Variants in LIN52 observed in about 807,000 individuals in gnomAD.
The protein encoded by LIN52 is lin-52 DREAM MuvB core complex component.
Under a neutral mutation model 18.5 loss-of-function variants are expected in LIN52, and 4 were observed. That is an observed-to-expected ratio of 0.22 (90% CI 0.11 to 0.49). The LOEUF is 0.49. Ranked by LOEUF, LIN52 falls within the 20% of genes least tolerant of loss-of-function variation. The pLI is 0.97. For missense variants in LIN52, 102 were observed against 139.5 expected (o/e 0.73, Z 1.35); for synonymous variants, 34 against 45.5 (o/e 0.75, Z 1.02).
intron 5 of LIN52, among the ~76,000 whole-genome samples, chr14:74,168,068 C>T (rs994147238): frequency 6.6e-6 from 1 of 152,246 alleles, no homozygotes; most frequent in Non-Finnish European, 1.5e-5. Context: ...AGTTTCCTAT[C>T]AGTGGTAATG....
Position 74,110,670 on chromosome 14 carries a change from A to C in LIN52, c.283+9432A>C, listed in dbSNP as rs2060920756. Among the ~76,000 whole-genome samples the C allele has an allele frequency of 2.7e-5, 4 of 146,206 alleles. No homozygotes were observed. In the Admixed American group the frequency reaches 2.7e-4, roughly 10 times the overall value. Reference sequence around the variant, plus strand: ...GGGTGACAGAGCGAGACTCCATCTCAAAAAAAAAAGGAGGCCAGGCATGGT... The same window carrying C: ...GGGTGACAGAGCGAGACTCCATCTCCAAAAAAAAAGGAGGCCAGGCATGGT... On this transcript the variant is annotated intron_variant, in intron 5 of 5. Transcript: ENST00000555028.
At chr14:74,106,415 G>A (rs1447956722) in intron 5 of LIN52, among the ~76,000 whole-genome samples, 1 of 151,948 alleles carries the variant, frequency 6.6e-6, no homozygotes, top group African/African-American at 2.4e-5. Flanking sequence ...GACTACAGGT[G>A]CAGTGCCACC....
At chr14:74,096,773 C>T (rs1006081013) in intron 3 of LIN52, among the ~76,000 whole-genome samples, 1 of 151,988 alleles carries the variant, frequency 6.6e-6, no homozygotes, top group Non-Finnish European at 1.5e-5. Context: ...AAAAGAAAAG[C>T]ACATATGAGG....
chr14:74,167,119 T>TTC (rs935883801), intron 5 of LIN52, among the ~76,000 whole-genome samples: 2 of 147,832 alleles, frequency 1.4e-5, no homozygotes, highest in Non-Finnish European at 3.0e-5. Flanking sequence ...CTGCTTTTTT[T>TTC]TTTTTTTTTT....
chr14:74,106,672 C>T (rs1310492935), intron 5 of LIN52, among the ~76,000 whole-genome samples: 1 of 152,156 alleles, frequency 6.6e-6, no homozygotes, highest in Non-Finnish European at 1.5e-5. Context: ...CTCACTGCAA[C>T]CTCCACCTCC....
At chr14:74,087,238 A>G (rs1186396805) in intron 1 of LIN52, among the ~76,000 whole-genome samples, 1 of 151,954 alleles carries the variant, frequency 6.6e-6, no homozygotes. Flanking sequence ...ACACAGTGAA[A>G]CCCTGTCTCT....
At chr14:74,122,495 G>A (rs537766407) in intron 5 of LIN52, among the ~76,000 whole-genome samples, 1 of 152,272 alleles carries the variant, frequency 6.6e-6, no homozygotes, top group Admixed American at 6.5e-5. Flanking sequence ...AATATGTTAG[G>A]ATATTTTAGG....
chr14:74,112,687 A>G (rs1377875065), intron 5 of LIN52, among the ~76,000 whole-genome samples: 1 of 152,242 alleles, frequency 6.6e-6, no homozygotes, highest in African/African-American at 2.4e-5. Flanking sequence ...GCTTTCAAAT[A>G]TTTAGCCATT....
intron 5 of LIN52, among the ~76,000 whole-genome samples, chr14:74,134,589 T>A (rs1800024851): frequency 6.6e-6 from 1 of 152,214 alleles, no homozygotes; most frequent in South Asian, 2.1e-4. Context: ...GACTTCCCTT[T>A]CCTATCACTG....
At chr14:74,101,603 C>T (rs1467266585) in intron 5 of LIN52, among the ~76,000 whole-genome samples, 3 of 151,026 alleles carry the variant, frequency 2.0e-5, no homozygotes, top group African/African-American at 7.3e-5. Flanking sequence ...GGACTACAGG[C>T]GCCCGCCACT....
chr14:74,192,736 G>T, intron 5 of LIN52: 1 of 262,914 alleles, frequency 3.8e-6, no homozygotes. Flanking sequence ...CCAATTTGAT[G>T]GGCAGCCAAT....
At chr14:74,171,865 A>G (rs946604169) in intron 5 of LIN52, among the ~76,000 whole-genome samples, 18 of 150,690 alleles carry the variant, frequency 1.2e-4, no homozygotes, top group African/African-American at 4.4e-4. Flanking sequence ...CAGCCTCCCA[A>G]GTAGCTGGGA....
chr14:74,086,545 T>C (rs189811143), intron 1 of LIN52, among the ~76,000 whole-genome samples: 3 of 152,000 alleles, frequency 2.0e-5, no homozygotes, highest in South Asian at 2.1e-4. Flanking sequence ...TCCCAGCTAC[T>C]TGGGGGGGCT....
intron 5 of LIN52, among the ~76,000 whole-genome samples, chr14:74,115,920 AG>A (rs2060961686): frequency 6.6e-6 from 1 of 152,210 alleles, no homozygotes; most frequent in African/African-American, 2.4e-5. Flanking sequence ...TTGTAGGGGA[AG>A]GGGGTTGGAG....
intron 5 of LIN52, among the ~76,000 whole-genome samples, chr14:74,175,751 C>CA (rs778907221): frequency 0.27 from 35,712 of 129,974 alleles, 4,852 homozygotes; most frequent in East Asian, 0.61. Context: ...CACACACACA[C>CA]CCCCATTATA....
In LIN52 at chr14:74,198,936, C is replaced by T. The variant is rs2078931113; in HGVS notation, c.298C>T (p.Arg100Trp). The T allele has an allele frequency of 3.1e-6, 5 of 1,612,128 alleles. No individual in the cohort carries two copies. Among genetic ancestry groups the T allele is most frequent in the Non-Finnish European group, 3.4e-6 (4 of 1,178,450 alleles). ...LGLDESREMTRGKFLNILEKP... is the reference protein window; with the variant it reads ...LGLDESREMTWGKFLNILEKP... ...TGTGATTCCAGCCAGAGAGATGACACGGGGGAAATTCCTCAATATTCTAGA... is the reference window on the plus strand; with the variant it reads ...TGTGATTCCAGCCAGAGAGATGACATGGGGGAAATTCCTCAATATTCTAGA... Residue 100 changes from arginine (R) to tryptophan (W), a missense_variant, in exon 6 of 6, where the codon CGG (arginine) becomes TGG (tryptophan). Physicochemically the swap from Arg to Trp is moderately radical, Grantham distance 101. Transcript: ENST00000555028.
intron 5 of LIN52, among the ~76,000 whole-genome samples, chr14:74,143,554 C>T (rs1324841194): frequency 6.6e-6 from 1 of 152,052 alleles, no homozygotes; most frequent in Non-Finnish European, 1.5e-5. Context: ...AAGCCTCTGT[C>T]TCCACATAGT....
chr14:74,105,819 T>G (rs775362547), intron 5 of LIN52, among the ~76,000 whole-genome samples: 1 of 152,208 alleles, frequency 6.6e-6, no homozygotes, highest in Non-Finnish European at 1.5e-5. Context: ...ATATTTGTCC[T>G]CAAAACATGA....
chr14:74,173,385 C>G (rs1320245647), intron 5 of LIN52, among the ~76,000 whole-genome samples: 1 of 152,124 alleles, frequency 6.6e-6, no homozygotes, highest in Non-Finnish European at 1.5e-5. Context: ...CAGGGTTTCT[C>G]CATGTTGGTC....
Sources: allele counts gnomAD v4.1 joint callset (sites outside exome capture counted in the v4.1 genomes callset), GRCh38; gene constraint gnomAD v4.1.1; transcripts MANE v1.5; gene names NCBI Gene and HGNC (gene_info 2026-07-23, HGNC 2026-07-21).